GLS: variants seen among roughly 807,000 people sequenced by gnomAD.
GLS encodes the protein glutaminase kidney isoform, mitochondrial.
In GLS, 36 loss-of-function variants were observed where a neutral mutation model predicts 86.7. That is an observed-to-expected ratio of 0.42 (90% CI 0.32 to 0.55). The LOEUF (loss-of-function observed/expected upper bound fraction) is 0.55. Ranked by LOEUF, GLS falls within the 20% of genes least tolerant of loss-of-function variation. GLS has a pLI of 0.17. For missense variants in GLS, 528 were observed against 833.4 expected (o/e 0.63, Z 4.51); for synonymous variants, 317 against 305.9 (o/e 1.04, Z -0.38).
intron 7 of GLS, among the ~76,000 whole-genome samples, chr2:190,911,830 C>T (rs955709461): frequency 1.3e-5 from 2 of 152,044 alleles, no homozygotes; most frequent in Non-Finnish European, 2.9e-5. Flanking sequence ...CACTACTCTT[C>T]GAGGCTGATC....
intron 7 of GLS, chr2:190,919,693 AATT>A: frequency 2.4e-6 from 2 of 824,936 alleles, no homozygotes; most frequent in Non-Finnish European, 2.9e-6. Context: ...TTCTTCTTTT[AATT>A]ATTTTTCATT....
intron 11 of GLS, among the ~76,000 whole-genome samples, chr2:190,925,456 A>G (rs555653990): frequency 1.1e-4 from 16 of 152,256 alleles, no homozygotes; most frequent in Admixed American, 9.2e-4. Context: ...ATGGTATAGA[A>G]CTCAATTTAG....
rs1689829553 is a variant in GLS at position 190,924,158 on chromosome 2, A to G, written c.1197+175A>G. On this transcript the variant is annotated intron_variant, in intron 10 of 17. Transcript: ENST00000320717. The surrounding 1 kb of genome is among the most constrained non-coding windows in gnomAD (Gnocchi z 5.2). The stretch of plus-strand genomic sequence containing the variant: ...TTATCAAATTGTTAATGTTATTGTT[A>G]ATTTGATTTGTATCTGGCAGCATTT... 6.6e-6 allele frequency among the ~76,000 whole-genome samples: 1 copy of G among 152,118 alleles called. No individual in the cohort carries two copies. The highest frequency in any genetic ancestry group is 1.5e-5 in the Non-Finnish European group (1 of 68,016).
In GLS at chr2:190,963,955, T is replaced by C. The variant is rs1396525696; in HGVS notation, c.*969T>C. 6.6e-6 allele frequency: 1 copy of C among 152,154 alleles called. No homozygotes were observed. The highest frequency in any genetic ancestry group is 1.5e-5 in the Non-Finnish European group (1 of 68,020). 9.4% of individuals were successfully genotyped at this position (152,154 alleles called of 1,614,324 possible). On this transcript the variant is annotated 3_prime_UTR_variant, in exon 18 of 18. Transcript: ENST00000320717. ...AGATAAATTCAGAAATGCTCTAAGCTACCAAAGTTATTCTGAAAGTATGGG... is the reference window on the plus strand; with the variant it reads ...AGATAAATTCAGAAATGCTCTAAGCCACCAAAGTTATTCTGAAAGTATGGG...
intron 7 of GLS, among the ~76,000 whole-genome samples, chr2:190,919,427 A>AAC (rs1309212180): frequency 6.6e-6 from 1 of 152,238 alleles, no homozygotes; most frequent in Non-Finnish European, 1.5e-5. Flanking sequence ...AAAACTTGTA[A>AAC]GAGTTTTATA....
rs111389432 is a variant in GLS at position 190,893,742 on chromosome 2, G to A, written c.387-1410G>A. Among the ~76,000 whole-genome samples, 6 of 151,936 alleles carry A rather than the reference G, an allele frequency of 3.9e-5. 1 individual carries two copies. Among genetic ancestry groups the A allele is most frequent in the African/African-American group, 1.2e-4 (5 of 41,446 alleles). ...CCGGGATTCAGGCGCCTGCCACAACGTCTGGCTAGTTTTTCTATTTTTAGT... is the reference window on the plus strand; with the variant it reads ...CCGGGATTCAGGCGCCTGCCACAACATCTGGCTAGTTTTTCTATTTTTAGT... On this transcript the variant is annotated intron_variant, in intron 1 of 17. Transcript: ENST00000320717.
intron 1 of GLS, among the ~76,000 whole-genome samples, chr2:190,893,069 G>T (rs1277650955): frequency 6.6e-6 from 1 of 152,120 alleles, no homozygotes; most frequent in African/African-American, 2.4e-5. Context: ...ACCACTATCT[G>T]AAGTTTATTT....
chr2:190,892,607 G>A (rs1417609924), intron 1 of GLS, among the ~76,000 whole-genome samples: 2 of 152,082 alleles, frequency 1.3e-5, no homozygotes, highest in Non-Finnish European at 2.9e-5. Context: ...ATTAATTTAG[G>A]GAGAGAAAAG....
rs971760752 is a variant in GLS at position 190,938,647 on chromosome 2, A to AG, written c.1650+7015dup. Among the ~76,000 whole-genome samples, 3 of 151,216 alleles carry AG rather than the reference A, an allele frequency of 2.0e-5. No individual in the cohort carries two copies. Among genetic ancestry groups the AG allele is most frequent in the African/African-American group, 7.3e-5 (3 of 41,244 alleles). On this transcript the variant is annotated intron_variant, in intron 14 of 17. Coordinates refer to ENST00000320717, the MANE Select transcript of GLS (RefSeq NM_014905.5). This position sits in a 1 kb window ranked among gnomAD's most constrained non-coding sequence, Gnocchi z 4.1. The stretch of plus-strand genomic sequence containing the variant: ...AGCATATTTAGATTTTTTTCTCTTG[A>AG]GGGGGTTGGTCTGTTTTGTGTTTTG...
chr2:190,932,173 A>G lies in GLS; in HGVS notation c.1650+536A>G, dbSNP rs192072154. 6.4e-3 allele frequency among the ~76,000 whole-genome samples: 973 copies of G among 152,076 alleles called. 9 individuals are homozygous for G. The highest frequency in any genetic ancestry group is 0.022 in the African/African-American group (923 of 41,544). On this transcript the variant is annotated intron_variant, in intron 14 of 17. Coordinates refer to ENST00000320717, the MANE Select transcript of GLS (RefSeq NM_014905.5). ...GAAATATTTTTTTCCACCGTGTTTA[A>G]TGCAATATTCCTAATAATCTTACGG...
chr2:190,884,146 C>G (rs187898385), intron 1 of GLS, among the ~76,000 whole-genome samples: 2 of 152,146 alleles, frequency 1.3e-5, no homozygotes, highest in Non-Finnish European at 2.9e-5. Context: ...TCTCTTCTTT[C>G]CTAGTTCTTT....
chr2:190,961,621 A>C (rs1362432998), intron 17 of GLS, among the ~76,000 whole-genome samples: 1 of 152,108 alleles, frequency 6.6e-6, no homozygotes, highest in East Asian at 1.9e-4. Flanking sequence ...AGGATGACTC[A>C]AAAGTCTGTT....
intron 14 of GLS, chr2:190,934,371 T>G (rs1224571006): frequency 2.1e-6 from 2 of 960,122 alleles, no homozygotes; most frequent in East Asian, 2.3e-4. Context: ...AAAAAGCCTT[T>G]TGGGCTAACT....
intron 12 of GLS, among the ~76,000 whole-genome samples, chr2:190,929,981 G>A (rs773241714): frequency 6.6e-6 from 1 of 151,884 alleles, no homozygotes; most frequent in Non-Finnish European, 1.5e-5. Context: ...GAGTAGTTGG[G>A]ACTACAGGCG....
At position 190,963,398 on chromosome 2, in the gene GLS, A is replaced by C. The variant is rs1357551726; in HGVS notation, c.*412A>C. ...TTTAGAAGCAAATAGTGTGATTTTC[A>C]AGACTTCAAATACAAATTTAGTTTA... On this transcript the variant is annotated 3_prime_UTR_variant, in exon 18 of 18. Transcript: ENST00000320717. 1 of 155,276 alleles carries C rather than the reference A, an allele frequency of 6.4e-6. No individual in the cohort carries two copies. The allele number at this position is 155,276 out of a possible 1,614,324, so 9.6% of individuals were successfully genotyped here.
chr2:190,928,723 T>TTA (rs1553486128), intron 12 of GLS, among the ~76,000 whole-genome samples: 4 of 150,612 alleles, frequency 2.7e-5, no homozygotes, highest in Non-Finnish European at 4.4e-5. Flanking sequence ...TTTTTTTTTT[T>TTA]AAATCTATTG....
In GLS at chr2:190,914,334, A is replaced by G. The variant is rs2124877821; in HGVS notation, c.1038+4013A>G. Among the ~76,000 whole-genome samples, 1 of 151,924 alleles carries G rather than the reference A, an allele frequency of 6.6e-6. No individual in the cohort carries two copies. Among genetic ancestry groups the G allele is most frequent in the African/African-American group, 2.4e-5 (1 of 41,418 alleles). ...AGACAGGTTTTTAAAGTAGTTTGTG[A>G]CTCTCAGAGTAATGCATGATGCCTT... On this transcript the variant is annotated intron_variant, in intron 7 of 17. Coordinates refer to ENST00000320717, the MANE Select transcript of GLS (RefSeq NM_014905.5). The surrounding 1 kb of genome is among the most constrained non-coding windows in gnomAD (Gnocchi z 4.4).
chr2:190,934,730 T>A, intron 14 of GLS: 4 of 974,926 alleles, frequency 4.1e-6, no homozygotes, highest in Non-Finnish European at 4.9e-6. Context: ...ATTAGGTTGT[T>A]AATTTGTGTC....
intron 12 of GLS, among the ~76,000 whole-genome samples, chr2:190,928,337 CT>C (rs765860136): frequency 2.6e-3 from 358 of 139,996 alleles, no homozygotes; most frequent in African/African-American, 3.1e-3. Flanking sequence ...ATTATTATTT[CT>C]TTTTTTTTTT....
Sources: allele counts gnomAD v4.1 joint callset (sites outside exome capture counted in the v4.1 genomes callset), GRCh38; gene constraint gnomAD v4.1.1; non-coding constraint Gnocchi (gnomAD v3.1); transcripts MANE v1.5; gene names NCBI Gene and HGNC (gene_info 2026-07-23, HGNC 2026-07-21).